The following NOX3 variants were observed in gnomAD, a reference collection of about 807,000 sequenced individuals.
The protein encoded by NOX3 is NADPH oxidase 3, also known as NADPH oxidase catalytic subunit-like 3.
Under a neutral mutation model 76.7 loss-of-function variants are expected in NOX3, and 74 were observed. That is an observed-to-expected ratio of 0.96 (90% CI 0.80 to 1.17). NOX3 has a LOEUF of 1.17. Among genes scored for constraint, NOX3 ranks in the 50% most tolerant of loss-of-function variants. NOX3 has a pLI of 0.00. For synonymous variants in NOX3, 263 were observed against 261.1 expected (o/e 1.01, Z -0.07); for missense variants, 695 against 703.3 (o/e 0.99, Z 0.13).
rs143401963 is a variant in NOX3 at position 155,449,764 on chromosome 6, T to G, written c.340+3640A>C. Among the ~76,000 whole-genome samples the G allele has an allele frequency of 7.9e-5, 12 of 152,292 alleles. No homozygotes were observed. In the East Asian group the frequency reaches 2.3e-3, roughly 29 times the overall value. Reference sequence around the variant, plus strand: ...AGAGGTTGGCATGCAAACTTCGATGTGGTCGCACTTTTTCCAAGGTTACAC... The same window carrying G: ...AGAGGTTGGCATGCAAACTTCGATGGGGTCGCACTTTTTCCAAGGTTACAC... On this transcript the variant is annotated intron_variant, in intron 4 of 13. Transcript: ENST00000159060.
At position 155,418,799 on chromosome 6, in the gene NOX3, T is replaced by C. The variant is rs17086278; in HGVS notation, c.1308+3895A>G. ...AAGTTCTAGTTTGCAACGGTGACAA[T>C]TGAGAAAACTTTGGTGCACATTTTT... On this transcript the variant is annotated intron_variant, in intron 10 of 13. Coordinates refer to ENST00000159060, the MANE Select transcript of NOX3 (RefSeq NM_015718.3). Among the ~76,000 whole-genome samples the C allele has an allele frequency of 8.6e-3, 1,315 of 152,346 alleles. 21 individuals carry two copies. Among genetic ancestry groups the C allele is most frequent in the African/African-American group, 0.03 (1,232 of 41,578 alleles).
At chr6:155,396,996 C>A in intron 12 of NOX3, 34 bp from the exon 13 acceptor site, 1 of 1,579,174 alleles carries the variant, frequency 6.3e-7, no homozygotes, top group South Asian at 1.2e-5. Context: ...AATAAAATGT[C>A]ACCAGGAGGC....
rs758497188 is a variant in NOX3 at position 155,430,920 on chromosome 6, A to G, written c.814T>C (p.Leu272=). The G allele has an allele frequency of 1.2e-6, 2 of 1,610,990 alleles. No homozygotes were observed. Among genetic ancestry groups the G allele is most frequent in the Non-Finnish European group, 8.5e-7 (1 of 1,177,470 alleles). The part of the protein sequence containing the change: ...GKEPSAWKWI[L]GPVVLYACER... The stretch of plus-strand genomic sequence containing the variant: ...CATGCATACAAGACCACAGGGCCTA[A>G]AATCCATTTCCAAGCCTGAAGAGAG... Residue 272 remains leucine (L), a synonymous_variant, in exon 8 of 14, where the codon TTA becomes CTA. Coordinates refer to ENST00000159060, the MANE Select transcript of NOX3 (RefSeq NM_015718.3).
chr6:155,454,902 C>A lies in NOX3; in HGVS notation c.164G>T (p.Arg55Leu). The A allele has an allele frequency of 6.2e-7, 1 of 1,610,796 alleles. No individual in the cohort carries two copies. The highest frequency in any genetic ancestry group is 1.1e-5 in the South Asian group (1 of 90,484). The change falls in exon 3 of 14, where the codon CGA (arginine) becomes CTA (leucine). Residue 55 changes from arginine to leucine, a missense_variant. Arg to Leu is a moderately radical substitution (Grantham distance 102). Transcript: ENST00000159060. Reference protein sequence around the residue: ...VILGSTLAWARASALCLNFNC... With the variant: ...VILGSTLAWALASALCLNFNC... Reference sequence around the variant, plus strand: ...AAAATTCAGGCACAGTGCGGATGCTCGTGCCCAAGCCAGTGTTGACTGTCC... The same window carrying A: ...AAAATTCAGGCACAGTGCGGATGCTAGTGCCCAAGCCAGTGTTGACTGTCC...
At chr6:155,410,564 C>T (rs1776529207) in intron 11 of NOX3, among the ~76,000 whole-genome samples, 2 of 152,178 alleles carry the variant, frequency 1.3e-5, no homozygotes, top group Middle Eastern at 6.8e-3. Flanking sequence ...TGAAATACTA[C>T]CATAGTCAAT....
At chr6:155,413,543 TA>T (rs1776582557) in intron 10 of NOX3, among the ~76,000 whole-genome samples, 1 of 152,076 alleles carries the variant, frequency 6.6e-6, no homozygotes, top group African/African-American at 2.4e-5. Flanking sequence ...GGAGACCAGT[TA>T]GGGGTGGATT....
At position 155,411,356 on chromosome 6, in the gene NOX3, T is replaced by C; in HGVS notation, c.1313A>G (p.Tyr438Cys). 1 of 1,612,980 alleles carries C rather than the reference T, an allele frequency of 6.2e-7. No individual in the cohort carries two copies. Among genetic ancestry groups the C allele is most frequent in the African/African-American group, 1.3e-5 (1 of 75,010 alleles). Residue 438 changes from tyrosine to cysteine, a missense_variant, in exon 11 of 14, where the codon TAT (tyrosine) becomes TGT (cysteine). Tyr to Cys is a radical substitution (Grantham distance 194). Transcript: ENST00000159060. ...AQTPLKLSKV[Y>C]FYWICRDARA... ...TGCATCCCGGCAAATCCAGTAGAAA[T>C]ACACCTGTCAAGAGAGAAGGCAAGT... is the stretch of plus-strand genomic sequence containing the variant.
At chr6:155,422,150 G>A (rs1187093283) in intron 10 of NOX3, among the ~76,000 whole-genome samples, 1 of 152,168 alleles carries the variant, frequency 6.6e-6, no homozygotes, top group African/African-American at 2.4e-5. Context: ...ATCGGATGGA[G>A]TGTCTAGATA....
chr6:155,447,477 A>G (rs1200507845), intron 4 of NOX3, among the ~76,000 whole-genome samples: 1 of 152,208 alleles, frequency 6.6e-6, no homozygotes, highest in African/African-American at 2.4e-5. Context: ...ATATTAAACT[A>G]TTTACTTATT....
chr6:155,396,877 G>A lies in NOX3; in HGVS notation c.1666C>T (p.Pro556Ser), dbSNP rs1779145992. Residue 556 changes from proline to serine, a missense_variant, in exon 13 of 14, where the codon CCC becomes TCC. Transcript: ENST00000159060. ...KMCHLYSSAD[P>S]RGVHFYYNKE... ...TTGTAATAGAAATGAACACCTCTGG[G>A]GTCAGCTGATGAATACAAGTGGCAC... 6.2e-7 allele frequency: 1 copy of A among 1,612,944 alleles called. No homozygotes were observed. The highest frequency in any genetic ancestry group is 1.7e-5 in the Admixed American group (1 of 59,962).
intron 3 of NOX3, 94 bp from the exon 4 acceptor site, chr6:155,453,582 T>A: frequency 1.0e-6 from 1 of 966,424 alleles, no homozygotes. Context: ...GCTCTGCCTC[T>A]AAACTGCTTA....
chr6:155,431,762 T>C (rs1017403547), intron 7 of NOX3, among the ~76,000 whole-genome samples: 4 of 152,192 alleles, frequency 2.6e-5, no homozygotes, highest in Non-Finnish European at 2.9e-5. Flanking sequence ...TGTATTACCT[T>C]GATTTTACAG....
In NOX3 at chr6:155,416,744, C is replaced by CTTTTTT. The variant is rs534711414; in HGVS notation, c.1309-5390_1309-5385dup. Among the ~76,000 whole-genome samples, 646 of 92,446 alleles carry CTTTTTT rather than the reference C, an allele frequency of 7.0e-3. 56 individuals are homozygous for CTTTTTT. The highest frequency in any genetic ancestry group is 0.023 in the African/African-American group (551 of 24,024). The allele number at this position is 92,446 out of a possible 152,430, so 60.6% of individuals were successfully genotyped here. A position where few individuals can be genotyped will look rare whatever the true frequency, so the allele number is the denominator to read the frequency against. Reference sequence around the variant, plus strand: ...GGACAACTGAAACATCTGAAACATTCTTTTTTTTTTTTTTTTTTTTTTTTG... The same window carrying CTTTTTT: ...GGACAACTGAAACATCTGAAACATTCTTTTTTTTTTTTTTTTTTTTTTTTTTTTTTG... On this transcript the variant is annotated intron_variant, in intron 10 of 13. Coordinates refer to ENST00000159060, the MANE Select transcript of NOX3 (RefSeq NM_015718.3).
intron 7 of NOX3, among the ~76,000 whole-genome samples, chr6:155,431,850 G>A (rs1440824720): frequency 6.6e-6 from 1 of 152,140 alleles, no homozygotes; most frequent in Non-Finnish European, 1.5e-5. Context: ...GTAGAGATGT[G>A]AACTCAGGTA....
At chr6:155,419,587 G>T (rs1776664446) in intron 10 of NOX3, among the ~76,000 whole-genome samples, 1 of 152,010 alleles carries the variant, frequency 6.6e-6, no homozygotes, top group Non-Finnish European at 1.5e-5. Flanking sequence ...ATTTTTATAA[G>T]CGATGAAAAC....
In NOX3 at chr6:155,422,783, C is replaced by G. The variant is rs76198873; in HGVS notation, c.1219G>C (p.Ala407Pro). Residue 407 changes from alanine (A) to proline (P), a missense_variant, in exon 10 of 14, where the codon GCG becomes CCG. By Grantham distance (27) the Ala-to-Pro change is conservative. Transcript: ENST00000159060. The stretch of plus-strand genomic sequence containing the variant: ...GCGAAGGGAGTGACTCCGATCCCCG[C>G]GGCAACGCACACACACACTGGGTAG... ...FHYPVCVCVA[A>P]GIGVTPFAAL... is the part of the protein sequence containing the mutation. 6.2e-7 allele frequency: 1 copy of G among 1,614,178 alleles called. No individual in the cohort carries two copies. Among genetic ancestry groups the G allele is most frequent in the Admixed American group, 1.7e-5 (1 of 60,020 alleles).
chr6:155,435,232 G>C (rs1345219892), intron 7 of NOX3, among the ~76,000 whole-genome samples: 2 of 152,128 alleles, frequency 1.3e-5, no homozygotes, highest in African/African-American at 4.8e-5. Flanking sequence ...AATTAATGCC[G>C]GCAAACGCTG....
intron 12 of NOX3, among the ~76,000 whole-genome samples, chr6:155,401,006 C>T (rs1779217931): frequency 6.6e-6 from 1 of 152,182 alleles, no homozygotes; most frequent in Non-Finnish European, 1.5e-5. Flanking sequence ...CATCCGATCC[C>T]AGGGAATGGT....
Position 155,428,799 on chromosome 6 carries a change from C to A in NOX3, c.1140G>T (p.Leu380=). The change falls in exon 9 of 14, where the codon CTG becomes CTT. Residue 380 remains leucine, a synonymous_variant. Transcript: ENST00000159060. The part of the protein sequence containing the change: ...EGQALQEPWS[L]PRLAVDGPFG... The stretch of plus-strand genomic sequence containing the variant: ...TGAGAGAAATGGGCACGAACCTTGG[C>A]AGGCTCCAGGGCTCCTGGAGGGCCT... The A allele has an allele frequency of 6.7e-7, 1 of 1,489,834 alleles. No individual in the cohort carries two copies. Among genetic ancestry groups the A allele is most frequent in the South Asian group, 1.4e-5 (1 of 69,694 alleles). 92.3% of individuals were successfully genotyped at this position (1,489,834 alleles called of 1,614,324 possible).
Sources: gnomAD v4.1 joint callset for allele counts (sites outside exome capture counted in the v4.1 genomes callset) on GRCh38, gnomAD v4.1.1 for gene constraint, MANE v1.5 for transcripts, NCBI Gene and HGNC (gene_info 2026-07-23, HGNC 2026-07-21) for gene names.